The following ERVW-1 variants were observed in gnomAD, a reference collection of about 807,000 sequenced individuals.
The protein encoded by ERVW-1 is endogenous retrovirus group W member 1, envelope, also known as syncytin-1.
Under a neutral mutation model 16.6 loss-of-function variants are expected in ERVW-1, and 21 were observed. That is an observed-to-expected ratio of 1.26 (90% confidence interval 0.90 to 1.82). The LOEUF (loss-of-function observed/expected upper bound fraction) is 1.82. ERVW-1 is among the 40% of genes most tolerant of loss of function. The probability of loss-of-function intolerance (pLI) is 0.00; values close to 1 mark genes in which losing one functional copy is unlikely to be tolerated. For missense variants in ERVW-1, 412 were observed against 300.2 expected, an observed-to-expected ratio of 1.37 and a Z score of -2.75; for synonymous variants, 161 against 109.8, an observed-to-expected ratio of 1.47 and a Z score of -2.92.
At chr7:92,477,099 G>T (rs1187769027) in intron 1 of ERVW-1, among the ~76,000 whole-genome samples, 2 of 152,162 alleles carry the variant, frequency 1.3e-5, no homozygotes, top group Admixed American at 6.5e-5. Flanking sequence ...GATCTCAACC[G>T]GCTACTGCCG....
chr7:92,471,927 A>G (rs1223879803), intron 1 of ERVW-1: 1 of 152,218 alleles, frequency 6.6e-6, no homozygotes, highest in Admixed American at 6.5e-5. Flanking sequence ...AGTGAGGGCT[A>G]TTAGTTCTGC....
chr7:92,474,577 G>A (rs566837015), intron 1 of ERVW-1: 103 of 152,320 alleles, frequency 6.8e-4, no homozygotes, highest in African/African-American at 2.4e-3. Flanking sequence ...CTGGCCTGTG[G>A]GGAATCATTC....
In ERVW-1 at chr7:92,470,209, C is replaced by T. The variant is rs1335678481; in HGVS notation, c.173G>A (p.Gly58Glu). 2 of 778,300 alleles carry T rather than the reference C, an allele frequency of 2.6e-6. No individual in the cohort carries two copies. The highest frequency in any genetic ancestry group is 1.7e-5 in the African/African-American group (1 of 59,012). 48.2% of individuals were successfully genotyped at this position (778,300 alleles called of 1,614,324 possible). A position where few individuals can be genotyped will look rare whatever the true frequency, so the allele number is the denominator to read the frequency against. ...DAPSYRSLSK[G>E]TPTFTAHTHM... ...GGTGTGGGCAGTGAAGGTGGGGGTT[C>T]CCTTAGAAAGACTCCTATACGATGG... Residue 58 changes from glycine to glutamate, a missense_variant, in exon 2 of 2, where the codon GGA (glycine) becomes GAA (glutamate). Coordinates refer to ENST00000603053, the MANE Select transcript of ERVW-1 (RefSeq NM_001130925.2).
intron 1 of ERVW-1, chr7:92,471,779 A>G (rs1205168375): frequency 2.0e-5 from 3 of 152,030 alleles, no homozygotes; most frequent in African/African-American, 7.2e-5. Context: ...TGGCTTCCTG[A>G]TGTTTGATAG....
rs1790230674 is a variant in ERVW-1 at position 92,469,458 on chromosome 7, A to G, written c.924T>C (p.Tyr308=). 2 of 769,318 alleles carry G rather than the reference A, an allele frequency of 2.6e-6. No homozygotes were observed. Among genetic ancestry groups the G allele is most frequent in the African/African-American group, 1.7e-5 (1 of 58,980 alleles). 47.7% of individuals were successfully genotyped at this position (769,318 alleles called of 1,614,324 possible). Reference sequence around the variant, plus strand: ...TTTTGTTGCGGGGCTTAGATATGACATAACTGTATAAATCTTGTTCAGTGT... The same window carrying G: ...TTTTGTTGCGGGGCTTAGATATGACGTAACTGTATAAATCTTGTTCAGTGT... ...TIYTEQDLYS[Y]VISKPRNKRV... The change falls in exon 2 of 2, where the codon TAT becomes TAC. Residue 308 remains tyrosine (Y), a synonymous_variant. Transcript: ENST00000603053.
chr7:92,473,180 T>G (rs758470198), intron 1 of ERVW-1: 6 of 152,158 alleles, frequency 3.9e-5, no homozygotes, highest in Non-Finnish European at 7.3e-5. Context: ...CTTCCTCTGG[T>G]ATTTGGGAAA....
At chr7:92,476,547 A>G (rs747162173) in intron 1 of ERVW-1, among the ~76,000 whole-genome samples, 6 of 152,172 alleles carry the variant, frequency 3.9e-5, no homozygotes, top group Non-Finnish European at 8.8e-5. Flanking sequence ...TTTTAAAGGA[A>G]TAGGGCACAC....
chr7:92,476,357 T>C (rs1790542859), intron 1 of ERVW-1, among the ~76,000 whole-genome samples: 1 of 152,200 alleles, frequency 6.6e-6, no homozygotes, highest in Non-Finnish European at 1.5e-5. Context: ...ACTGAATGCA[T>C]TTGGTCCATC....
rs1434423862 is a variant in ERVW-1 at position 92,468,410 on chromosome 7, G to A, written c.*355C>T. 1 of 184,218 alleles carries A rather than the reference G, an allele frequency of 5.4e-6. No individual in the cohort carries two copies. Among genetic ancestry groups the A allele is most frequent in the Non-Finnish European group, 1.1e-5 (1 of 88,980 alleles). The allele number at this position is 184,218 out of a possible 1,614,324, so 11.4% of individuals were successfully genotyped here. On this transcript the variant is annotated 3_prime_UTR_variant, in exon 2 of 2. Coordinates refer to ENST00000603053, the MANE Select transcript of ERVW-1 (RefSeq NM_001130925.2). ...TTGCAAGATTTAATAGAGTGAAATA[G>A]CATGAAAACAGAGCTCCCATACAAA... is the stretch of plus-strand genomic sequence containing the variant.
At chr7:92,476,658 CTCTG>C (rs1271071662) in intron 1 of ERVW-1, among the ~76,000 whole-genome samples, 2 of 152,018 alleles carry the variant, frequency 1.3e-5, no homozygotes, top group African/African-American at 4.8e-5. Flanking sequence ...TCTCTCTCCT[CTCTG>C]TCTCTCTCTC....
Position 92,468,772 on chromosome 7 carries a change from C to T in ERVW-1, c.1610G>A (p.Ser537Asn). The T allele has an allele frequency of 1.4e-6, 1 of 734,968 alleles. No homozygotes were observed. Among genetic ancestry groups the T allele is most frequent in the Non-Finnish European group, 2.5e-6 (1 of 403,514 alleles). 45.5% of individuals were successfully genotyped at this position (734,968 alleles called of 1,614,324 possible). The stretch of plus-strand genomic sequence containing the variant: ...GGTTGGCCGACGACCGCTCTAACTG[C>T]TTCCTGCTGAATTGGGGCGTAGTAG... The part of the protein sequence containing the change: ...QPLLRPNSAG[S>N]S The change falls in exon 2 of 2, where the codon AGC becomes AAC. Residue 537 changes from serine to asparagine, a missense_variant. Transcript: ENST00000603053.
chr7:92,469,322 G>A lies in ERVW-1; in HGVS notation c.1060C>T (p.Leu354=). The A allele has an allele frequency of 1.3e-6, 1 of 764,746 alleles. No individual in the cohort carries two copies. 47.4% of individuals were successfully genotyped at this position (764,746 alleles called of 1,614,324 possible). A position where few individuals can be genotyped will look rare whatever the true frequency, so the allele number is the denominator to read the frequency against. The change falls in exon 2 of 2, where the codon CTA becomes TTA. Residue 354 remains leucine, a synonymous_variant. Transcript: ENST00000603053. ...GCGACCCGTTCCATGTCCCCATTTA[G>A]TTCTTGAGATAGTTTGTAGTAGAAC... The part of the protein sequence containing the change: ...TQFYYKLSQE[L]NGDMERVADS...
rs760350861 is a variant in ERVW-1, at chr7:92,475,159, G to A, written c.-228+2223C>T. On this transcript the variant is annotated intron_variant, in intron 1 of 1. Coordinates refer to ENST00000603053, the MANE Select transcript of ERVW-1 (RefSeq NM_001130925.2). ...AAAAGAGGTCTAGCTGTAAGATGGT[G>A]TTATAATTTATACTTCCCTCAGGAG... 44 of 152,166 alleles carry A rather than the reference G, an allele frequency of 2.9e-4. 1 individual carries two copies. Among genetic ancestry groups the A allele is most frequent in the Admixed American group, 2.6e-4 (4 of 15,272 alleles). 9.4% of individuals were successfully genotyped at this position (152,166 alleles called of 1,614,324 possible).
In ERVW-1 at chr7:92,469,249, A is replaced by G. The variant is rs756943651; in HGVS notation, c.1133T>C (p.Val378Ala). Residue 378 changes from valine (V) to alanine (A), a missense_variant, in exon 2 of 2, where the codon GTA (valine) becomes GCA (alanine). By Grantham distance (64) the Val-to-Ala change is moderately conservative. Coordinates refer to ENST00000603053, the MANE Select transcript of ERVW-1 (RefSeq NM_001130925.2). Reference protein sequence around the residue: ...LQDQLNSLAAVVLQNRRALDL... With the variant: ...LQDQLNSLAAAVLQNRRALDL... ...TAAAGCTCTTCGATTTTGAAGGACT[A>G]CTGCTGCTAGGGAGTTAAGTTGATC... 92 of 764,074 alleles carry G rather than the reference A, an allele frequency of 1.2e-4. No homozygotes were observed. The highest frequency in any genetic ancestry group is 2.1e-4 in the Non-Finnish European group (87 of 417,696). The allele number at this position is 764,074 out of a possible 1,614,324, so 47.3% of individuals were successfully genotyped here. A position where few individuals can be genotyped will look rare whatever the true frequency, so the allele number is the denominator to read the frequency against.
Position 92,468,573 on chromosome 7 carries a change from T to G in ERVW-1, c.*192A>C, listed in dbSNP as rs186923740. ...CCTCCTGTCTTTGCCTAATTAGCAT[T>G]TTAGTGAGCTCTCTGATTGGTCAGG... is the stretch of plus-strand genomic sequence containing the variant. On this transcript the variant is annotated 3_prime_UTR_variant, in exon 2 of 2. Coordinates refer to ENST00000603053, the MANE Select transcript of ERVW-1 (RefSeq NM_001130925.2). 6.5e-4 allele frequency: 302 copies of G among 463,494 alleles called. 1 individual carries two copies. Among genetic ancestry groups the G allele is most frequent in the African/African-American group, 5.2e-3 (261 of 50,246 alleles). 28.7% of individuals were successfully genotyped at this position (463,494 alleles called of 1,614,324 possible).
rs146834520 is a variant in ERVW-1, at chr7:92,470,163, A to G, written c.219T>C (p.Tyr73=). The change falls in exon 2 of 2, where the codon TAT becomes TAC. Residue 73 remains tyrosine, a synonymous_variant. Transcript: ENST00000603053. ...TAHTHMPRNC[Y]HSATLCMHAN... is the part of the protein sequence containing the mutation. ...CATGCATGCAAAGAGTGGCAGAGTG[A>G]TAGCAGTTGCGGGGCATATGGGTGT... 2.6e-4 allele frequency: 202 copies of G among 778,824 alleles called. 3 individuals are homozygous for G. The African/African-American group carries it at 3.1e-3, about 12-fold the overall frequency. The allele number at this position is 778,824 out of a possible 1,614,324, so 48.2% of individuals were successfully genotyped here. A position where few individuals can be genotyped will look rare whatever the true frequency, so the allele number is the denominator to read the frequency against.
chr7:92,477,077 T>G (rs1377429772), intron 1 of ERVW-1, among the ~76,000 whole-genome samples: 13 of 152,180 alleles, frequency 8.5e-5, no homozygotes, highest in Admixed American at 8.5e-4. Flanking sequence ...TTGAGACTTC[T>G]GGCTACACCA....
chr7:92,473,782 G>A (rs1259090312), intron 1 of ERVW-1, among the ~76,000 whole-genome samples: 1 of 151,848 alleles, frequency 6.6e-6, no homozygotes, highest in African/African-American at 2.4e-5. Context: ...TAAGAAGACC[G>A]CACCAGTGTC....
At chr7:92,475,781 C>T (rs1215530023) in intron 1 of ERVW-1, among the ~76,000 whole-genome samples, 4 of 152,186 alleles carry the variant, frequency 2.6e-5, no homozygotes, top group Admixed American at 1.3e-4. Context: ...GGCTGGGTTC[C>T]TATTTTATAA....
Sources: gnomAD v4.1 joint callset for allele counts (sites outside exome capture counted in the v4.1 genomes callset) on GRCh38, gnomAD v4.1.1 for gene constraint, MANE v1.5 for transcripts, NCBI Gene and HGNC (gene_info 2026-07-23, HGNC 2026-07-21) for gene names.